MTUS2: variants seen among roughly 807,000 people sequenced by gnomAD.
The protein encoded by MTUS2 is microtubule associated scaffold protein 2, also known as microtubule-associated tumor suppressor candidate 2.
In MTUS2, 40 loss-of-function variants were observed where a neutral mutation model predicts 114.1. That is an observed-to-expected ratio of 0.35 (90% confidence interval 0.27 to 0.46). The LOEUF (loss-of-function observed/expected upper bound fraction) is 0.46, where lower values mean the gene tolerates loss of function less well. Ranked by LOEUF, MTUS2 falls within the 20% of genes least tolerant of loss-of-function variation. The pLI, the probability that MTUS2 is intolerant of heterozygous loss-of-function variation, is 1.00. For synonymous variants in MTUS2, 688 were observed against 672.0 expected (o/e 1.02, Z -0.37); for missense variants, 1,679 against 1,705.4 (o/e 0.98, Z 0.27).
At chr13:28,918,927 A>T (rs1342692231) in intron 2 of MTUS2, among the ~76,000 whole-genome samples, 2 of 152,132 alleles carry the variant, frequency 1.3e-5, no homozygotes, top group African/African-American at 4.8e-5. Context: ...CACTGATTGC[A>T]TAAACAAACA....
chr13:28,848,823 T>C (rs1297960810), intron 2 of MTUS2, among the ~76,000 whole-genome samples: 1 of 152,136 alleles, frequency 6.6e-6, no homozygotes, highest in African/African-American at 2.4e-5. Context: ...CTGGAGACAT[T>C]TTTGGCTGTC....
chr13:29,234,540 G>T (rs1301505652), intron 5 of MTUS2, among the ~76,000 whole-genome samples: 2 of 151,972 alleles, frequency 1.3e-5, no homozygotes, highest in South Asian at 4.2e-4. Flanking sequence ...AAATTATTTT[G>T]ATGGAAAGCC....
At chr13:29,145,868 C>G (rs550627353) in intron 5 of MTUS2, among the ~76,000 whole-genome samples, 1 of 152,152 alleles carries the variant, frequency 6.6e-6, no homozygotes, top group African/African-American at 2.4e-5. Flanking sequence ...GTTTTGGAAG[C>G]AAGCACAACC....
intron 5 of MTUS2, among the ~76,000 whole-genome samples, chr13:29,179,635 TAAAC>T (rs76523532): frequency 0.15 from 22,618 of 152,170 alleles, 1,849 homozygotes; most frequent in East Asian, 0.31. Flanking sequence ...ATATATTTCT[TAAAC>T]AAATTAAAAA....
At chr13:29,261,171 T>TA (rs1322546042) in intron 5 of MTUS2, among the ~76,000 whole-genome samples, 1 of 152,224 alleles carries the variant, frequency 6.6e-6, no homozygotes, top group Non-Finnish European at 1.5e-5. Context: ...TATTTTGACT[T>TA]ACAAGTTGAC....
intron 4 of MTUS2, among the ~76,000 whole-genome samples, chr13:29,074,548 A>G (rs1477251984): frequency 6.6e-6 from 1 of 152,196 alleles, no homozygotes; most frequent in Non-Finnish European, 1.5e-5. Context: ...GAGTGAAGGC[A>G]GAGGATATGT....
At position 29,504,582 on chromosome 13, in the gene MTUS2, G is replaced by GC; in HGVS notation, c.*1377dup. The GC allele has an allele frequency of 4.3e-6, 1 of 232,778 alleles. No individual in the cohort carries two copies. The allele number at this position is 232,778 out of a possible 1,614,324, so 14.4% of individuals were successfully genotyped here. On this transcript the variant is annotated 3_prime_UTR_variant, in exon 16 of 16. Coordinates refer to ENST00000612955, the MANE Select transcript of MTUS2 (RefSeq NM_001033602.4). ...GCCCAGTGAAACAGCCAGCCAGGGG[G>GC]CACCAGCTCCTGGACTGGCATCTGT...
At chr13:28,994,941 A>C (rs1016331658) in intron 2 of MTUS2, among the ~76,000 whole-genome samples, 3 of 151,880 alleles carry the variant, frequency 2.0e-5, no homozygotes, top group Admixed American at 2.0e-4. Flanking sequence ...TTTTGTTGCC[A>C]TTGCTTTTGG....
chr13:29,121,750 G>A (rs1400967146), intron 5 of MTUS2, among the ~76,000 whole-genome samples: 5 of 151,598 alleles, frequency 3.3e-5, no homozygotes, highest in African/African-American at 1.2e-4. Context: ...TCCGCCTCCC[G>A]GCTTCAAGCA....
chr13:29,493,051 G>C (rs1269230321), intron 12 of MTUS2, among the ~76,000 whole-genome samples: 2 of 152,212 alleles, frequency 1.3e-5, no homozygotes, highest in African/African-American at 4.8e-5. Flanking sequence ...AGCAAGAGGA[G>C]GACTGGGGGA....
intron 1 of MTUS2, among the ~76,000 whole-genome samples, chr13:28,828,561 A>T (rs1032071649): frequency 2.0e-5 from 3 of 152,206 alleles, no homozygotes; most frequent in African/African-American, 7.2e-5. Flanking sequence ...TGGGGAACTA[A>T]TAAATGTCCA....
chr13:29,194,468 T>C (rs1183317195), intron 5 of MTUS2, among the ~76,000 whole-genome samples: 5 of 152,072 alleles, frequency 3.3e-5, no homozygotes, highest in African/African-American at 1.2e-4. Context: ...AGAAGACATT[T>C]TTGCAGCCAA....
chr13:29,026,525 T>C lies in MTUS2; in HGVS notation c.1827T>C (p.Pro609=). ...KPVFTHSKDT[P]SSQEGMENYQ... Reference sequence around the variant, plus strand: ...TCTTCACACATTCCAAGGACACACCTTCCTCGCAGGAGGGAATGGAGAACT... The same window carrying C: ...TCTTCACACATTCCAAGGACACACCCTCCTCGCAGGAGGGAATGGAGAACT... The change falls in exon 3 of 16, where the codon CCT becomes CCC. Residue 609 remains proline (P), a synonymous_variant. Transcript: ENST00000612955. The C allele has an allele frequency of 3.1e-6, 5 of 1,613,892 alleles. No homozygotes were observed. The highest frequency in any genetic ancestry group is 4.2e-6 in the Non-Finnish European group (5 of 1,179,876).
intron 6 of MTUS2, among the ~76,000 whole-genome samples, chr13:29,313,849 G>C (rs1027973785): frequency 3.3e-5 from 5 of 152,148 alleles, no homozygotes; most frequent in Admixed American, 3.3e-4. Flanking sequence ...CTGAGATTTA[G>C]AATAGCATCA....
chr13:29,102,837 A>G (rs1182661482), intron 5 of MTUS2, among the ~76,000 whole-genome samples: 2 of 152,338 alleles, frequency 1.3e-5, no homozygotes, highest in Middle Eastern at 3.4e-3. Flanking sequence ...TGCTTTGATG[A>G]CAGGGAATAA....
chr13:29,230,798 C>T (rs1896293760), intron 5 of MTUS2, among the ~76,000 whole-genome samples: 1 of 152,154 alleles, frequency 6.6e-6, no homozygotes, highest in African/African-American at 2.4e-5. Flanking sequence ...ATGCATTGTT[C>T]ATGCCAGATA....
intron 9 of MTUS2, among the ~76,000 whole-genome samples, chr13:29,458,915 T>G (rs1173915628): frequency 6.6e-6 from 1 of 152,250 alleles, no homozygotes; most frequent in Non-Finnish European, 1.5e-5. Context: ...TGGCCGTGCT[T>G]CTCTGCTCCA....
chr13:29,426,491 T>C (rs769234359), intron 8 of MTUS2, among the ~76,000 whole-genome samples: 3 of 152,228 alleles, frequency 2.0e-5, no homozygotes, highest in Non-Finnish European at 4.4e-5. Context: ...ATTTTTCATC[T>C]TCTAAGACTA....
intron 8 of MTUS2, among the ~76,000 whole-genome samples, chr13:29,379,554 C>A (rs1244642971): frequency 6.6e-6 from 1 of 152,164 alleles, no homozygotes; most frequent in East Asian, 1.9e-4. Context: ...TCCTCTGGGT[C>A]CCTCCAGATG....
Sources: allele counts gnomAD v4.1 joint callset (sites outside exome capture counted in the v4.1 genomes callset), GRCh38; gene constraint gnomAD v4.1.1; transcripts MANE v1.5; gene names NCBI Gene and HGNC (gene_info 2026-07-23, HGNC 2026-07-21).